The following PCDHGA6 variants were observed in gnomAD, a reference collection of about 807,000 sequenced individuals.
PCDHGA6 encodes protocadherin gamma-A6.
PCDHGA6 carries 41 observed loss-of-function variants against 60.6 expected under a neutral mutation model. The observed-to-expected ratio is 0.68, with a 90% CI of 0.53 to 0.88. The LOEUF (loss-of-function observed/expected upper bound fraction) is 0.88. Ranked by LOEUF, PCDHGA6 falls within the 40% of genes least tolerant of loss-of-function variation. PCDHGA6 has a pLI of 0.00. For synonymous variants in PCDHGA6, 594 were observed against 524.4 expected, an observed-to-expected ratio of 1.13 and a Z score of -1.81; for missense variants, 1,312 against 1,203.0, an observed-to-expected ratio of 1.09 and a Z score of -1.34.
intron 2 of PCDHGA6, among the ~76,000 whole-genome samples, chr5:141,499,115 C>G (rs940275925): frequency 6.6e-6 from 1 of 152,124 alleles, no homozygotes; most frequent in Non-Finnish European, 1.5e-5. Flanking sequence ...CACCACTATC[C>G]CTTCTCAGGT....
intron 1 of PCDHGA6, among the ~76,000 whole-genome samples, chr5:141,397,819 A>G (rs1159682049): frequency 6.6e-6 from 1 of 152,240 alleles, no homozygotes; most frequent in African/African-American, 2.4e-5. Flanking sequence ...AAAAACAATT[A>G]CTGCACTGGT....
In PCDHGA6 at chr5:141,431,450, A is replaced by G; in HGVS notation, c.2424+54943A>G. 2 of 1,613,740 alleles carry G rather than the reference A, an allele frequency of 1.2e-6. No individual in the cohort carries two copies. Among genetic ancestry groups the G allele is most frequent in the South Asian group, 1.1e-5 (1 of 91,082 alleles). Reference sequence around the variant, plus strand: ...CACAGGCACCGCGCGCATCCGCGTGATGGTTCTGGATGCGAACGACAACGC... The same window carrying G: ...CACAGGCACCGCGCGCATCCGCGTGGTGGTTCTGGATGCGAACGACAACGC... On this transcript the variant is annotated intron_variant, in intron 1 of 3. Coordinates refer to ENST00000517434, the MANE Select transcript of PCDHGA6 (RefSeq NM_018919.3). The surrounding 1 kb of genome is among the most constrained non-coding windows in gnomAD (Gnocchi z 4.8).
chr5:141,400,054 C>T, intron 1 of PCDHGA6: 2 of 1,613,622 alleles, frequency 1.2e-6, no homozygotes, highest in Non-Finnish European at 1.7e-6. Flanking sequence ...GGTTGCTGTG[C>T]GTGATGGTGG....
chr5:141,497,960 C>T (rs946836523), intron 2 of PCDHGA6, among the ~76,000 whole-genome samples: 24 of 152,202 alleles, frequency 1.6e-4, no homozygotes, highest in African/African-American at 5.8e-4. Flanking sequence ...GTTGGCCAGG[C>T]AGTGTTCTCG....
In PCDHGA6 at chr5:141,414,973, A is replaced by G. The variant is rs533056439; in HGVS notation, c.2424+38466A>G. 1.9e-5 allele frequency: 30 copies of G among 1,613,870 alleles called. No homozygotes were observed. The African/African-American group carries it at 3.7e-4, about 20-fold the overall frequency. Reference sequence around the variant, plus strand: ...GGTGACCAAGGTGGTGGCGGTGGACAGAGACTCCGGCCAGAACGCCTGGCT... The same window carrying G: ...GGTGACCAAGGTGGTGGCGGTGGACGGAGACTCCGGCCAGAACGCCTGGCT... On this transcript the variant is annotated intron_variant, in intron 1 of 3. Transcript: ENST00000517434.
rs1562137380 is a variant in PCDHGA6, at chr5:141,490,297, G to T, written c.2425-4510G>T. On this transcript the variant is annotated intron_variant, in intron 1 of 3. Coordinates refer to ENST00000517434, the MANE Select transcript of PCDHGA6 (RefSeq NM_018919.3). This position sits in a 1 kb window ranked among gnomAD's most constrained non-coding sequence, Gnocchi z 5.4. The stretch of plus-strand genomic sequence containing the variant: ...TGACAATGCCCCAGAGGTGCTATTG[G>T]CCTCTTTGGCCAACCCTGTCCTAGA... 2 of 1,614,202 alleles carry T rather than the reference G, an allele frequency of 1.2e-6. No individual in the cohort carries two copies. Among genetic ancestry groups the T allele is most frequent in the South Asian group, 1.1e-5 (1 of 91,086 alleles).
At chr5:141,454,123 C>CT (rs1273558932) in intron 1 of PCDHGA6, among the ~76,000 whole-genome samples, 5 of 152,194 alleles carry the variant, frequency 3.3e-5, no homozygotes, top group Non-Finnish European at 7.3e-5. Flanking sequence ...GAAGAAATAG[C>CT]TGACCATGGG....
At chr5:141,417,851 G>A (rs1196210157) in intron 1 of PCDHGA6, 1 of 1,543,512 alleles carries the variant, frequency 6.5e-7, no homozygotes, top group Non-Finnish European at 8.8e-7. Flanking sequence ...GCGAGAACCC[G>A]AGCGAACGAT....
chr5:141,393,134 C>T (rs755308269), intron 1 of PCDHGA6: 2 of 1,613,390 alleles, frequency 1.2e-6, no homozygotes, highest in South Asian at 2.2e-5. Flanking sequence ...TAAATATTAA[C>T]ACCCTGGTTG....
At chr5:141,422,725 G>C (rs1424048338) in intron 1 of PCDHGA6, 1 of 1,606,156 alleles carries the variant, frequency 6.2e-7, no homozygotes, top group African/African-American at 1.3e-5. Flanking sequence ...TGTCCAGGGG[G>C]TGCCTCTGTC....
chr5:141,385,066 C>T, intron 1 of PCDHGA6: 2 of 1,614,194 alleles, frequency 1.2e-6, no homozygotes, highest in South Asian at 1.1e-5. Context: ...GCACAAGTCA[C>T]GCCTGCTGCA....
In PCDHGA6 at chr5:141,430,720, T is replaced by C. The variant is rs369549088; in HGVS notation, c.2424+54213T>C. On this transcript the variant is annotated intron_variant, in intron 1 of 3. Transcript: ENST00000517434. ...AAGGAACTGCTCCTGACTTCAGTGG[T>C]TAAGGGCAGAATTGAAAATAATTCT... The C allele has an allele frequency of 4.9e-4, 734 of 1,486,386 alleles. 1 individual carries two copies. Among genetic ancestry groups the C allele is most frequent in the Middle Eastern group, 9.1e-4 (5 of 5,506 alleles). The allele number at this position is 1,486,386 out of a possible 1,614,324, so 92.1% of individuals were successfully genotyped here.
chr5:141,421,885 G>T, intron 1 of PCDHGA6: 1 of 1,613,692 alleles, frequency 6.2e-7, no homozygotes, highest in Non-Finnish European at 8.5e-7. Context: ...AGATGGAGGC[G>T]ATCCCATCCG....
intron 1 of PCDHGA6, chr5:141,428,680 G>T: frequency 6.1e-6 from 1 of 162,778 alleles, no homozygotes; most frequent in Admixed American, 5.8e-5. Context: ...ATTTACAAAT[G>T]GATGAGGTTT....
chr5:141,384,557 T>C (rs2150262452), intron 1 of PCDHGA6: 2 of 1,614,252 alleles, frequency 1.2e-6, no homozygotes, highest in Middle Eastern at 3.3e-4. Flanking sequence ...CTGTTCGTGC[T>C]GGACCAGAAT....
intron 1 of PCDHGA6, among the ~76,000 whole-genome samples, chr5:141,426,006 G>C (rs1013613474): frequency 2.0e-5 from 3 of 152,104 alleles, no homozygotes; most frequent in African/African-American, 7.2e-5. Flanking sequence ...AAGGCTTCCG[G>C]CTGCAGTTTT....
intron 1 of PCDHGA6, among the ~76,000 whole-genome samples, chr5:141,472,274 G>A (rs1170341842): frequency 6.6e-6 from 1 of 152,176 alleles, no homozygotes; most frequent in Admixed American, 6.5e-5. Flanking sequence ...GGGCACAGTG[G>A]CTCACACCTG....
chr5:141,391,896 G>A (rs2092439615), intron 1 of PCDHGA6: 1 of 152,128 alleles, frequency 6.6e-6, no homozygotes, highest in Non-Finnish European at 1.5e-5. Flanking sequence ...ATGGGATGGA[G>A]CTTTGCTTTT....
At chr5:141,440,912 G>A (rs1281398967) in intron 1 of PCDHGA6, 1 of 152,254 alleles carries the variant, frequency 6.6e-6, no homozygotes, top group African/African-American at 2.4e-5. Context: ...GGGCACTCCT[G>A]TGCTGAGAGT....
Sources: allele counts gnomAD v4.1 joint callset (sites outside exome capture counted in the v4.1 genomes callset), GRCh38; gene constraint gnomAD v4.1.1; non-coding constraint Gnocchi (gnomAD v3.1); transcripts MANE v1.5; gene names NCBI Gene and HGNC (gene_info 2026-07-23, HGNC 2026-07-21).